Variants in SLC10A7 observed in about 807,000 individuals in gnomAD.
SLC10A7 encodes solute carrier family 10 member 7, also known as sodium/bile acid cotransporter 7.
In SLC10A7, 29 loss-of-function variants were observed where a neutral mutation model predicts 43.2. That is an observed-to-expected ratio of 0.67 (90% confidence interval 0.50 to 0.92). SLC10A7 has a LOEUF of 0.92. Among genes scored for constraint, SLC10A7 ranks in the 40% least tolerant of loss-of-function variants. SLC10A7 has a pLI of 0.00. For missense variants in SLC10A7, 295 were observed against 403.2 expected (o/e 0.73, Z 2.30); for synonymous variants, 152 against 144.8 (o/e 1.05, Z -0.35).
chr4:146,498,037 G>T (rs1173729612), intron 4 of SLC10A7, among the ~76,000 whole-genome samples: 1 of 151,384 alleles, frequency 6.6e-6, no homozygotes, highest in Non-Finnish European at 1.5e-5. Flanking sequence ...TGCCTCCCAT[G>T]TCAGAATAAA....
intron 5 of SLC10A7, among the ~76,000 whole-genome samples, chr4:146,433,280 G>C (rs1729932148): frequency 1.3e-5 from 2 of 149,208 alleles, no homozygotes; most frequent in Non-Finnish European, 3.0e-5. Context: ...TCCTGCCTCA[G>C]CCTCCCGAGT....
At chr4:146,431,809 G>A (rs1579170249) in intron 5 of SLC10A7, among the ~76,000 whole-genome samples, 1 of 151,972 alleles carries the variant, frequency 6.6e-6, no homozygotes, top group East Asian at 1.9e-4. Flanking sequence ...CAAAAATTTT[G>A]AACTTCTGTT....
At chr4:146,423,488 T>C (rs896345356) in intron 5 of SLC10A7, among the ~76,000 whole-genome samples, 6 of 152,224 alleles carry the variant, frequency 3.9e-5, no homozygotes, top group Non-Finnish European at 8.8e-5. Context: ...ATTTGTCAAA[T>C]GTTTCCTAAT....
intron 5 of SLC10A7, among the ~76,000 whole-genome samples, chr4:146,388,567 G>C (rs955030787): frequency 1.3e-5 from 2 of 151,964 alleles, no homozygotes; most frequent in African/African-American, 4.8e-5. Flanking sequence ...GACCATCCTG[G>C]CTAACACAGT....
intron 4 of SLC10A7, among the ~76,000 whole-genome samples, chr4:146,452,569 C>G (rs1312297475): frequency 2.0e-5 from 3 of 152,034 alleles, no homozygotes; most frequent in African/African-American, 7.2e-5. Flanking sequence ...TTGACTTTCT[C>G]TTATGCAACT....
intron 4 of SLC10A7, among the ~76,000 whole-genome samples, chr4:146,503,133 G>A (rs1165365558): frequency 6.6e-6 from 1 of 152,148 alleles, no homozygotes; most frequent in Non-Finnish European, 1.5e-5. Context: ...GATGTTGAAA[G>A]CAGAATCCTA....
chr4:146,420,584 T>C (rs1480034203), intron 5 of SLC10A7, among the ~76,000 whole-genome samples: 1 of 152,234 alleles, frequency 6.6e-6, no homozygotes, highest in East Asian at 1.9e-4. Context: ...TTGACATCTG[T>C]AGAAGCTGAG....
chr4:146,330,385 A>G (rs1733446598), intron 5 of SLC10A7, among the ~76,000 whole-genome samples: 1 of 152,220 alleles, frequency 6.6e-6, no homozygotes, highest in Non-Finnish European at 1.5e-5. Context: ...CACAGATATT[A>G]AAATTGACTT....
intron 10 of SLC10A7, among the ~76,000 whole-genome samples, chr4:146,267,303 G>A (rs973190729): frequency 6.6e-6 from 1 of 152,114 alleles, no homozygotes; most frequent in African/African-American, 2.4e-5. Context: ...CCTACAGTGT[G>A]GCTTTTTGGA....
intron 7 of SLC10A7, among the ~76,000 whole-genome samples, chr4:146,302,996 G>A (rs1443893354): frequency 1.3e-5 from 2 of 152,178 alleles, no homozygotes; most frequent in East Asian, 3.9e-4. Context: ...AGTAAAATAT[G>A]TCAGCAGAGT....
At chr4:146,371,109 A>G (rs970141570) in intron 5 of SLC10A7, among the ~76,000 whole-genome samples, 2 of 152,234 alleles carry the variant, frequency 1.3e-5, no homozygotes, top group East Asian at 1.9e-4. Flanking sequence ...CCCACAGGGA[A>G]TTCACAACTC....
chr4:146,328,034 A>G (rs1180189452), intron 5 of SLC10A7, among the ~76,000 whole-genome samples: 1 of 151,942 alleles, frequency 6.6e-6, no homozygotes, highest in Non-Finnish European at 1.5e-5. Flanking sequence ...GGAATGACCC[A>G]CCCTGCTCCC....
chr4:146,395,698 A>G (rs769568385), intron 5 of SLC10A7, among the ~76,000 whole-genome samples: 11 of 152,176 alleles, frequency 7.2e-5, no homozygotes, highest in Non-Finnish European at 1.0e-4. Context: ...AATAACGTCA[A>G]TGAAAACCAA....
intron 4 of SLC10A7, among the ~76,000 whole-genome samples, chr4:146,448,108 C>T (rs1195473933): frequency 6.6e-6 from 1 of 151,778 alleles, no homozygotes. Flanking sequence ...ATGAGTTATA[C>T]CTAATGCTAA....
chr4:146,436,325 G>A (rs960100925), intron 5 of SLC10A7, among the ~76,000 whole-genome samples: 12 of 152,084 alleles, frequency 7.9e-5, no homozygotes, highest in Non-Finnish European at 1.6e-4. Flanking sequence ...ATAAGAGTTT[G>A]TTTTAAAAAC....
intron 5 of SLC10A7, among the ~76,000 whole-genome samples, chr4:146,385,013 A>G (rs1737891260): frequency 6.6e-6 from 1 of 152,168 alleles, no homozygotes; most frequent in Non-Finnish European, 1.5e-5. Flanking sequence ...ACTCCTTCAG[A>G]GTATTTAACA....
chr4:146,489,592 A>C (rs1163234347), intron 4 of SLC10A7, among the ~76,000 whole-genome samples: 1 of 152,226 alleles, frequency 6.6e-6, no homozygotes, highest in Non-Finnish European at 1.5e-5. Context: ...AAGGGGTAGC[A>C]GCTCACTAAA....
At chr4:146,285,478 A>T (rs1729834556) in intron 9 of SLC10A7, among the ~76,000 whole-genome samples, 1 of 152,294 alleles carries the variant, frequency 6.6e-6, no homozygotes, top group Middle Eastern at 3.4e-3. Flanking sequence ...TTTTTCTCAT[A>T]TGTAGAATGA....
chr4:146,340,444 G>A (rs1734182597), intron 5 of SLC10A7, among the ~76,000 whole-genome samples: 1 of 151,050 alleles, frequency 6.6e-6, no homozygotes, highest in South Asian at 2.1e-4. Context: ...CCAGGCTCTA[G>A]CAAAAATGCA....
Sources: allele counts gnomAD v4.1 joint callset (sites outside exome capture counted in the v4.1 genomes callset), GRCh38; gene constraint gnomAD v4.1.1; transcripts MANE v1.5; gene names NCBI Gene and HGNC (gene_info 2026-07-23, HGNC 2026-07-21).